MED13L: variants seen among roughly 807,000 people sequenced by gnomAD.
MED13L encodes the protein mediator complex subunit 13L.
A neutral mutation model predicts 220.9 loss-of-function variants in MED13L; 7 were observed. The ratio of observed to expected loss-of-function variants is 0.03; its 90% CI spans 0.02 to 0.06. MED13L has a LOEUF of 0.06. MED13L is among the 10% of genes least tolerant of loss of function. The pLI, the probability that MED13L is intolerant of heterozygous loss-of-function variation, is 1.00. For synonymous variants in MED13L, 1,011 were observed against 1,015.2 expected (o/e 1.00, Z 0.08); for missense variants, 1,965 against 2,760.5 (o/e 0.71, Z 6.46).
chr12:116,007,079 A>T, intron 11 of MED13L: 6 of 353,100 alleles, frequency 1.7e-5, no homozygotes, highest in Non-Finnish European at 2.2e-5. Context: ...TTTCCTTTAC[A>T]TTTTGGGTAG....
At chr12:115,993,941 G>A (rs530862759) in intron 16 of MED13L, among the ~76,000 whole-genome samples, 147 of 152,318 alleles carry the variant, frequency 9.7e-4, no homozygotes, top group African/African-American at 3.5e-3. Context: ...TGTGACAAAG[G>A]AGGAGTCCAG....
intron 28 of MED13L, among the ~76,000 whole-genome samples, chr12:115,967,418 G>C (rs1259672989): frequency 1.3e-5 from 2 of 152,082 alleles, no homozygotes; most frequent in South Asian, 4.1e-4. Flanking sequence ...ATTGAAAAAG[G>C]CCACCTGGCT....
At position 116,104,678 on chromosome 12, in the gene MED13L, A is replaced by C. The variant is rs543367470; in HGVS notation, c.395+6750T>G. Among the ~76,000 whole-genome samples the C allele has an allele frequency of 3.9e-5, 6 of 152,384 alleles. No individual in the cohort carries two copies. In the East Asian group the frequency reaches 1.2e-3, roughly 29 times the overall value. On this transcript the variant is annotated intron_variant, in intron 3 of 30. Transcript: ENST00000281928. ...AGTAAGTATGGACATGATTAAGCAT[A>C]AAACAACTTCAAAAGACCCAAGTAA...
intron 1 of MED13L, among the ~76,000 whole-genome samples, chr12:116,271,960 GTTA>G (rs1228602009): frequency 2.0e-5 from 3 of 151,978 alleles, no homozygotes; most frequent in Non-Finnish European, 2.9e-5. Context: ...GGGGAACATT[GTTA>G]TTATTGTTAT....
At chr12:116,220,712 C>T (rs1883259586) in intron 2 of MED13L, among the ~76,000 whole-genome samples, 1 of 151,982 alleles carries the variant, frequency 6.6e-6, no homozygotes, top group African/African-American at 2.4e-5. Flanking sequence ...ATAAAGGGGC[C>T]ATAAACAAAA....
chr12:116,113,032 C>CT (rs1874212122), intron 2 of MED13L, among the ~76,000 whole-genome samples: 1 of 152,172 alleles, frequency 6.6e-6, no homozygotes, highest in African/African-American at 2.4e-5. Flanking sequence ...CAAAGAGCTC[C>CT]TTTAAACTTA....
chr12:116,140,179 T>C (rs1876938747), intron 2 of MED13L, among the ~76,000 whole-genome samples: 1 of 152,140 alleles, frequency 6.6e-6, no homozygotes, highest in African/African-American at 2.4e-5. Context: ...ATTCTCATTA[T>C]CCTGCTTTAT....
intron 3 of MED13L, among the ~76,000 whole-genome samples, chr12:116,106,859 A>G (rs60195683): frequency 0.17 from 22,418 of 128,658 alleles, 1,815 homozygotes; most frequent in Middle Eastern, 0.25. Flanking sequence ...AAAAAAAGGG[A>G]AAAAAAAAAA....
At chr12:116,218,865 C>G (rs1883154069) in intron 2 of MED13L, among the ~76,000 whole-genome samples, 1 of 152,082 alleles carries the variant, frequency 6.6e-6, no homozygotes, top group African/African-American at 2.4e-5. Flanking sequence ...ACCCCAGCAG[C>G]TGGAATTACA....
Position 116,276,902 on chromosome 12 carries a change from C to T in MED13L, c.72+158G>A, listed in dbSNP as rs1033290350. 1.9e-5 allele frequency: 19 copies of T among 986,960 alleles called. No individual in the cohort carries two copies. In the African/African-American group the frequency reaches 2.6e-4, roughly 13 times the overall value. 61.1% of individuals were successfully genotyped at this position (986,960 alleles called of 1,614,324 possible). On this transcript the variant is annotated intron_variant, in intron 1 of 30. Transcript: ENST00000281928. ...GATGGGATCCAAGGCGAGAGAGAGA[C>T]GATCCAAAAGGGGGAGAATCGGCGA...
chr12:115,975,076 A>G (rs1876843119), intron 25 of MED13L, 95 bp downstream of exon 25: 1 of 1,279,730 alleles, frequency 7.8e-7, no homozygotes, highest in East Asian at 2.4e-5. Flanking sequence ...TTTAATTCTT[A>G]CAAATTTAAA....
intron 3 of MED13L, among the ~76,000 whole-genome samples, chr12:116,102,422 G>A (rs10507268): frequency 0.17 from 25,616 of 152,030 alleles, 2,379 homozygotes; most frequent in Middle Eastern, 0.26. Context: ...GTTTTCATAG[G>A]TTTCCCTACC....
At chr12:116,222,216 C>T (rs1868509584) in intron 2 of MED13L, among the ~76,000 whole-genome samples, 1 of 152,038 alleles carries the variant, frequency 6.6e-6, no homozygotes, top group Admixed American at 6.6e-5. Context: ...CATGTTGTAC[C>T]ATAAAATAAA....
intron 2 of MED13L, among the ~76,000 whole-genome samples, chr12:116,146,930 T>C (rs991044881): frequency 2.0e-5 from 3 of 151,986 alleles, no homozygotes; most frequent in Non-Finnish European, 2.9e-5. Flanking sequence ...CAACTCATCA[T>C]GAAGAGTTTA....
At chr12:116,179,204 C>CGTGTGTGTGTGT (rs60501771) in intron 2 of MED13L, among the ~76,000 whole-genome samples, 13 of 148,096 alleles carry the variant, frequency 8.8e-5, no homozygotes, top group African/African-American at 2.0e-4. Context: ...TGACGATTTA[C>CGTGTGTGTGTGT]GTGTGTGTGT....
rs576549340 is a variant in MED13L at position 116,093,548 on chromosome 12, T to C, written c.479+3121A>G. 3.3e-5 allele frequency among the ~76,000 whole-genome samples: 5 copies of C among 152,168 alleles called. No homozygotes were observed. The East Asian group carries it at 9.6e-4, about 29-fold the overall frequency. ...AAAGAAATTATAGCACAAAAAATCA[T>C]ATGCTATTATTCTAACAGGGAGAAC... On this transcript the variant is annotated intron_variant, in intron 4 of 30. Coordinates refer to ENST00000281928, the MANE Select transcript of MED13L (RefSeq NM_015335.5).
At chr12:116,204,218 G>A (rs1490616199) in intron 2 of MED13L, among the ~76,000 whole-genome samples, 1 of 152,014 alleles carries the variant, frequency 6.6e-6, no homozygotes, top group Middle Eastern at 3.2e-3. Context: ...CTAGATTACG[G>A]ACCATAATCT....
In MED13L at chr12:115,996,684, G is replaced by A. The variant is rs768223325; in HGVS notation, c.2791-3C>T. ...ACTTTGTGCACATATGAAAAGTCCT[G>A]TGACAACAAAGTGGGGTCAGTGTTA... is the stretch of plus-strand genomic sequence containing the variant. On this transcript the variant is annotated splice_region_variant and splice_polypyrimidine_tract_variant and intron_variant, in intron 15 of 30. Coordinates refer to ENST00000281928, the MANE Select transcript of MED13L (RefSeq NM_015335.5). The A allele has an allele frequency of 3.7e-6, 6 of 1,611,430 alleles. No homozygotes were observed. The highest frequency in any genetic ancestry group is 1.7e-5 in the Admixed American group (1 of 59,982).
chr12:115,997,379 T>G, intron 14 of MED13L, 149 bp from the exon 15 acceptor site: 1 of 673,360 alleles, frequency 1.5e-6, no homozygotes, highest in Non-Finnish European at 2.5e-6. Flanking sequence ...TGGAAGTGAC[T>G]AAGAAGAAGG....
Sources: gnomAD v4.1 joint callset for allele counts (sites outside exome capture counted in the v4.1 genomes callset) on GRCh38, gnomAD v4.1.1 for gene constraint, MANE v1.5 for transcripts, NCBI Gene and HGNC (gene_info 2026-07-23, HGNC 2026-07-21) for gene names.